The following TRPM3 variants were observed in gnomAD, a reference collection of about 807,000 sequenced individuals.
TRPM3 encodes the protein transient receptor potential cation channel subfamily M member 3.
TRPM3 carries 77 observed loss-of-function variants against 181.2 expected under a neutral mutation model. That is an observed-to-expected ratio of 0.42 (90% CI 0.35 to 0.51). TRPM3 has a LOEUF of 0.51. Ranked by LOEUF, TRPM3 falls within the 20% of genes least tolerant of loss-of-function variation. The probability of loss-of-function intolerance (pLI) is 0.01; values close to 1 mark genes in which losing one functional copy is unlikely to be tolerated. For missense variants in TRPM3, 1,759 were observed against 2,196.7 expected (o/e 0.80, Z 3.98); for synonymous variants, 745 against 796.4 (o/e 0.94, Z 1.09).
intron 1 of TRPM3, among the ~76,000 whole-genome samples, chr9:70,959,407 G>A (rs558924613): frequency 2.6e-5 from 4 of 151,848 alleles, no homozygotes; most frequent in Non-Finnish European, 5.9e-5. Context: ...TGGCAGAAGG[G>A]CAAGATGTTT....
intron 20 of TRPM3, among the ~76,000 whole-genome samples, chr9:70,600,378 T>C (rs183907159): frequency 1.3e-4 from 20 of 152,304 alleles, no homozygotes; most frequent in South Asian, 6.2e-4. Flanking sequence ...TCCACTATAA[T>C]GATTTACCTA....
chr9:70,956,961 C>T (rs867758666), intron 1 of TRPM3, among the ~76,000 whole-genome samples: 10 of 137,430 alleles, frequency 7.3e-5, no homozygotes, highest in Admixed American at 5.1e-4. Context: ...TTCTTTCTTT[C>T]TTTTTTTTTT....
At chr9:71,273,881 G>T (rs1405236955) in intron 1 of TRPM3, among the ~76,000 whole-genome samples, 2 of 152,122 alleles carry the variant, frequency 1.3e-5, no homozygotes, top group African/African-American at 4.8e-5. Context: ...GTTATATTCT[G>T]CACAGTGCTC....
intron 1 of TRPM3, among the ~76,000 whole-genome samples, chr9:71,372,112 A>G (rs1460868934): frequency 6.6e-6 from 1 of 152,208 alleles, no homozygotes; most frequent in African/African-American, 2.4e-5. Flanking sequence ...TTTGCTGAGA[A>G]TAATGGCTTC....
chr9:70,536,142 C>T lies in TRPM3; in HGVS notation c.4971G>A (p.Ala1657=), dbSNP rs146678870. ...AGCTCTTCCTGGTGTGTGCATATGG[C>T]GCACTTGGCTCCTCTGCCGAGTAGC... is the stretch of plus-strand genomic sequence containing the variant. The part of the protein sequence containing the change: ...ANSYSAEEPS[A]PYAHTRKSFS... Residue 1657 remains alanine, a synonymous_variant, in exon 26 of 26, where the codon GCG becomes GCA. Coordinates refer to ENST00000677713, the MANE Select transcript of TRPM3 (RefSeq NM_001366145.2). The T allele has an allele frequency of 2.9e-5, 46 of 1,613,960 alleles. No homozygotes were observed. Among genetic ancestry groups the T allele is most frequent in the East Asian group, 1.3e-4 (6 of 44,896 alleles).
intron 1 of TRPM3, among the ~76,000 whole-genome samples, chr9:70,984,036 G>A (rs1201801314): frequency 6.6e-6 from 1 of 152,156 alleles, no homozygotes; most frequent in East Asian, 1.9e-4. Context: ...AGCTATGTGA[G>A]CCAGAAATGG....
At chr9:70,561,866 A>G (rs921943560) in intron 22 of TRPM3, among the ~76,000 whole-genome samples, 5 of 152,232 alleles carry the variant, frequency 3.3e-5, no homozygotes. Flanking sequence ...GTAAGGGATG[A>G]CACTGTCAAG....
chr9:70,889,416 G>A lies in TRPM3; in HGVS notation c.178-24905C>T, dbSNP rs561665908. 3.0e-4 allele frequency among the ~76,000 whole-genome samples: 46 copies of A among 152,170 alleles called. No homozygotes were observed. The East Asian group carries it at 7.0e-3, about 23-fold the overall frequency. ...TTACACATTGATGGGCGAGGTCCCC[G>A]CCAACCCCACCTGTTTTCTTACCTC... On this transcript the variant is annotated intron_variant, in intron 1 of 25. Coordinates refer to ENST00000677713, the MANE Select transcript of TRPM3 (RefSeq NM_001366145.2).
At chr9:71,208,291 C>A (rs185614498) in intron 1 of TRPM3, among the ~76,000 whole-genome samples, 1 of 152,222 alleles carries the variant, frequency 6.6e-6, no homozygotes, top group East Asian at 1.9e-4. Context: ...GTAAAGGGAA[C>A]AGCAAGAGTA....
intron 1 of TRPM3, among the ~76,000 whole-genome samples, chr9:71,213,397 A>C (rs547654107): frequency 1.2e-4 from 18 of 152,212 alleles, no homozygotes; most frequent in Non-Finnish European, 8.8e-5. Context: ...CAAAGCTTGA[A>C]CTAAACATTT....
At chr9:70,978,684 C>T (rs535628546) in intron 1 of TRPM3, among the ~76,000 whole-genome samples, 48 of 152,204 alleles carry the variant, frequency 3.2e-4, no homozygotes, top group African/African-American at 1.1e-3. Flanking sequence ...GTTAATGTGC[C>T]GTCGGCATAA....
intron 1 of TRPM3, among the ~76,000 whole-genome samples, chr9:71,263,420 C>G (rs2083191535): frequency 6.6e-6 from 1 of 152,140 alleles, no homozygotes; most frequent in African/African-American, 2.4e-5. Context: ...AAGAAAAACT[C>G]CAAAAGGTGA....
intron 20 of TRPM3, 64 bp downstream of exon 20, chr9:70,603,278 T>C (rs1210097381): frequency 1.3e-6 from 2 of 1,561,170 alleles, no homozygotes; most frequent in African/African-American, 1.4e-5. Context: ...TCCTGTCCCC[T>C]CCATCCACAG....
At chr9:70,794,292 A>G (rs1554710726) in intron 6 of TRPM3, among the ~76,000 whole-genome samples, 1 of 152,074 alleles carries the variant, frequency 6.6e-6, no homozygotes, top group Non-Finnish European at 1.5e-5. Context: ...TTATCAAGAA[A>G]CTTCACCCTG....
intron 9 of TRPM3, among the ~76,000 whole-genome samples, chr9:70,640,962 A>T (rs536897567): frequency 6.6e-6 from 1 of 152,198 alleles, no homozygotes; most frequent in Non-Finnish European, 1.5e-5. Context: ...TATGGTATGC[A>T]TGTGATATTT....
rs1039815078 is a variant in TRPM3, at chr9:71,399,527, T to G, written c.183+47126A>C. ...ATTTTACTCCTTATATTTTCTTTTG[T>G]TTTTTTTTTTTTTTTTTTTGAGAAG... On this transcript the variant is annotated intron_variant, in intron 1 of 24. Transcript: ENST00000357533. Among the ~76,000 whole-genome samples the G allele has an allele frequency of 9.7e-4, 30 of 30,976 alleles. 1 individual carries two copies. In the South Asian group the frequency reaches 0.033, roughly 34 times the overall value. 20.3% of individuals were successfully genotyped at this position (30,976 alleles called of 152,430 possible). A position where few individuals can be genotyped will look rare whatever the true frequency, so the allele number is the denominator to read the frequency against.
chr9:70,905,511 AT>A (rs2096451345), intron 1 of TRPM3, among the ~76,000 whole-genome samples: 1 of 152,308 alleles, frequency 6.6e-6, no homozygotes, highest in Admixed American at 6.5e-5. Flanking sequence ...CAATTATATT[AT>A]TTCATATTTT....
At chr9:70,619,852 C>A (rs1156484249) in intron 16 of TRPM3, among the ~76,000 whole-genome samples, 1 of 152,160 alleles carries the variant, frequency 6.6e-6, no homozygotes. Flanking sequence ...ACGGGGCCTA[C>A]CTCATGGGGA....
chr9:71,011,512 T>A (rs1271080080), intron 1 of TRPM3, among the ~76,000 whole-genome samples: 1 of 152,074 alleles, frequency 6.6e-6, no homozygotes, highest in Non-Finnish European at 1.5e-5. Context: ...TTTTTCCCCA[T>A]TTTTATCAAA....
Sources: allele counts gnomAD v4.1 joint callset (sites outside exome capture counted in the v4.1 genomes callset), GRCh38; gene constraint gnomAD v4.1.1; transcripts MANE v1.5; gene names NCBI Gene and HGNC (gene_info 2026-07-23, HGNC 2026-07-21).